The following MYO3A variants were observed in gnomAD, a reference collection of about 807,000 sequenced individuals.
MYO3A encodes myosin-IIIa.
MYO3A carries 180 observed loss-of-function variants against 192.7 expected under a neutral mutation model. The observed-to-expected ratio is 0.93, with a 90% CI of 0.83 to 1.06. MYO3A has a LOEUF of 1.06. Among genes scored for constraint, MYO3A ranks in the 50% least tolerant of loss-of-function variants. MYO3A has a pLI of 0.00. For synonymous variants in MYO3A, 628 were observed against 645.3 expected (o/e 0.97, Z 0.41); for missense variants, 1,896 against 1,905.0 (o/e 1.00, Z 0.09).
intron 4 of MYO3A, among the ~76,000 whole-genome samples, chr10:25,985,552 G>T (rs899700171): frequency 1.3e-5 from 2 of 152,048 alleles, no homozygotes; most frequent in African/African-American, 4.8e-5. Context: ...ATTATTCAAG[G>T]ATACTATGAA....
intron 23 of MYO3A, among the ~76,000 whole-genome samples, chr10:26,150,029 CGTGTGTGTGTGT>C (rs35589117): frequency 1.3e-5 from 2 of 149,500 alleles, no homozygotes; most frequent in South Asian, 2.1e-4. Context: ...GAATAGTATT[CGTGTGTGTGTGT>C]GTGTGTGTGT....
At chr10:26,125,629 AT>A (rs770979293) in intron 19 of MYO3A, 21 bp downstream of exon 19, 13 of 1,599,360 alleles carry the variant, frequency 8.1e-6, no homozygotes, top group East Asian at 4.5e-5. Flanking sequence ...TTACAGAAAC[AT>A]TTTTTTCCCA....
intron 20 of MYO3A, among the ~76,000 whole-genome samples, chr10:26,129,574 C>T (rs1361548929): frequency 6.6e-6 from 1 of 152,192 alleles, no homozygotes; most frequent in Admixed American, 6.5e-5. Flanking sequence ...TTTCCCCTCA[C>T]AGCCAAGCTC....
At chr10:26,102,205 T>C in intron 17 of MYO3A, among the ~76,000 whole-genome samples, 1 of 152,268 alleles carries the variant, frequency 6.6e-6, no homozygotes, top group East Asian at 1.9e-4. Context: ...CTGAAGCTTT[T>C]GCATGCGTCA....
intron 10 of MYO3A, among the ~76,000 whole-genome samples, chr10:26,053,402 T>C (rs9887992): frequency 0.015 from 2,281 of 149,144 alleles, 69 homozygotes; most frequent in African/African-American, 0.053. Flanking sequence ...GAGTACAGGG[T>C]ATGTCAGTCA....
intron 6 of MYO3A, among the ~76,000 whole-genome samples, chr10:26,009,028 C>G (rs555703950): frequency 1.3e-5 from 2 of 152,068 alleles, no homozygotes; most frequent in East Asian, 1.9e-4. Flanking sequence ...CACATATACA[C>G]CATGGAATAC....
intron 6 of MYO3A, among the ~76,000 whole-genome samples, chr10:26,011,234 G>A (rs1165444595): frequency 2.6e-5 from 4 of 152,106 alleles, no homozygotes; most frequent in African/African-American, 7.2e-5. Context: ...TTCAAGACCA[G>A]CCTGGGCAAC....
At chr10:26,030,427 T>C (rs1842753905) in intron 10 of MYO3A, among the ~76,000 whole-genome samples, 1 of 152,188 alleles carries the variant, frequency 6.6e-6, no homozygotes, top group Admixed American at 6.5e-5. Flanking sequence ...CTCTTGACCA[T>C]GGATCTTAGT....
chr10:25,938,001 T>TC (rs1836215212), intron 2 of MYO3A, among the ~76,000 whole-genome samples: 1 of 152,196 alleles, frequency 6.6e-6, no homozygotes, highest in Non-Finnish European at 1.5e-5. Context: ...GTTTTAATGT[T>TC]CTGTAAGAAA....
intron 15 of MYO3A, among the ~76,000 whole-genome samples, chr10:26,091,980 G>A (rs1836728087): frequency 6.6e-6 from 1 of 152,186 alleles, no homozygotes; most frequent in South Asian, 2.1e-4. Context: ...AAAACGTGCT[G>A]ATCACTCATT....
intron 20 of MYO3A, among the ~76,000 whole-genome samples, chr10:26,129,878 A>C (rs1397231146): frequency 6.6e-6 from 1 of 152,220 alleles, no homozygotes; most frequent in Non-Finnish European, 1.5e-5. Context: ...AGACCAAAAC[A>C]AGTAAAAAAT....
At chr10:26,102,885 A>T (rs1837555638) in intron 17 of MYO3A, among the ~76,000 whole-genome samples, 1 of 152,166 alleles carries the variant, frequency 6.6e-6, no homozygotes, top group South Asian at 2.1e-4. Context: ...CCATTCTCAG[A>T]TCTCAAACTC....
chr10:26,042,641 T>C (rs948016213), intron 10 of MYO3A, among the ~76,000 whole-genome samples: 2 of 152,206 alleles, frequency 1.3e-5, no homozygotes, highest in South Asian at 4.1e-4. Flanking sequence ...AACCCCAGAA[T>C]TTCTGTTTGA....
intron 10 of MYO3A, among the ~76,000 whole-genome samples, chr10:26,038,201 A>G (rs1282533376): frequency 2.0e-5 from 3 of 146,806 alleles, no homozygotes; most frequent in African/African-American, 4.9e-5. Context: ...TTGTGGTTCC[A>G]TATAAATTTT....
Position 26,174,145 on chromosome 10 carries a change from T to C in MYO3A, c.3881T>C (p.Ile1294Thr), listed in dbSNP as rs753349932. 18 of 1,614,074 alleles carry C rather than the reference T, an allele frequency of 1.1e-5. 1 individual carries two copies. The South Asian group carries it at 1.2e-4, about 11-fold the overall frequency. Reference sequence around the variant, plus strand: ...GAACCTACACTTAGCCAAAGGTCAATTTATCAAAATGCAAACAGCATGGAA... The same window carrying C: ...GAACCTACACTTAGCCAAAGGTCAACTTATCAAAATGCAAACAGCATGGAA... The part of the protein sequence containing the change: ...TLEPTLSQRS[I>T]YQNANSMEKE... The change falls in exon 30 of 35, where the codon ATT becomes ACT. Residue 1294 changes from isoleucine to threonine, a missense_variant. Coordinates refer to ENST00000642920, the MANE Select transcript of MYO3A (RefSeq NM_017433.5).
At chr10:26,037,185 A>G (rs988590761) in intron 10 of MYO3A, among the ~76,000 whole-genome samples, 11 of 152,208 alleles carry the variant, frequency 7.2e-5, no homozygotes, top group Non-Finnish European at 1.6e-4. Flanking sequence ...CAATGTTAGC[A>G]GTCACCAGCA....
At chr10:26,207,833 G>A (rs1266764321) in intron 34 of MYO3A, among the ~76,000 whole-genome samples, 1 of 152,092 alleles carries the variant, frequency 6.6e-6, no homozygotes, top group Non-Finnish European at 1.5e-5. Flanking sequence ...TTTTGATAGA[G>A]ATTCCATTGA....
chr10:26,102,717 A>G lies in MYO3A; in HGVS notation c.1776+6035A>G, dbSNP rs542591418. Among the ~76,000 whole-genome samples the G allele has an allele frequency of 1.6e-4, 25 of 152,300 alleles. 1 individual carries two copies. The highest frequency in any genetic ancestry group is 1.4e-3 in the Admixed American group (21 of 15,300). On this transcript the variant is annotated intron_variant, in intron 17 of 34. Coordinates refer to ENST00000642920, the MANE Select transcript of MYO3A (RefSeq NM_017433.5). ...ACCAGCGGAGGCTGCAGAACCGCAA[A>G]TATTGCAGAATGGCAAATATTGCTG...
At chr10:26,024,828 A>G (rs1842467763) in intron 9 of MYO3A, among the ~76,000 whole-genome samples, 1 of 152,176 alleles carries the variant, frequency 6.6e-6, no homozygotes, top group South Asian at 2.1e-4. Context: ...CCAAGCAGTT[A>G]GTATTCTGTC....
Sources: allele counts gnomAD v4.1 joint callset (sites outside exome capture counted in the v4.1 genomes callset), GRCh38; gene constraint gnomAD v4.1.1; transcripts MANE v1.5; gene names NCBI Gene and HGNC (gene_info 2026-07-23, HGNC 2026-07-21).